The following HEPH variants were observed in gnomAD, a reference collection of about 807,000 sequenced individuals.
The protein encoded by HEPH is hephaestin.
A neutral mutation model predicts 80.8 loss-of-function variants in HEPH; 69 were observed. The observed-to-expected ratio is 0.85, with a 90% confidence interval of 0.70 to 1.04. The LOEUF (loss-of-function observed/expected upper bound fraction) is 1.04. Ranked by LOEUF, HEPH falls within the 50% of genes least tolerant of loss-of-function variation. HEPH has a pLI of 0.00. For missense variants in HEPH, 1,115 were observed against 891.3 expected, an observed-to-expected ratio of 1.25 and a Z score of -3.20; for synonymous variants, 431 against 322.8, an observed-to-expected ratio of 1.34 and a Z score of -3.60.
At chrX:66,188,291 G>T (rs1369609576) in intron 4 of HEPH, 68 bp from the exon 5 acceptor site, 8 of 810,711 alleles carry the variant, frequency 9.9e-6, no homozygotes, top group Non-Finnish European at 1.2e-5. Context: ...TTTCTTATGA[G>T]TACCCCTTTC....
intron 15 of HEPH, among the ~76,000 whole-genome samples, chrX:66,216,732 G>A (rs764483421): frequency 1.2e-3 from 129 of 111,815 alleles, no homozygotes; most frequent in African/African-American, 4.1e-3. Flanking sequence ...TCTCTGAATG[G>A]CCAGAAGAAA....
chrX:66,220,306 T>C (rs1228642626), intron 15 of HEPH, among the ~76,000 whole-genome samples: 1 of 111,640 alleles, frequency 9.0e-6, no homozygotes, highest in East Asian at 2.8e-4. Context: ...CAGTTTATCA[T>C]AGAAGGTTTG....
At chrX:66,249,183 G>C in intron 15 of HEPH, among the ~76,000 whole-genome samples, 1 of 111,136 alleles carries the variant, frequency 9.0e-6, no homozygotes, top group Admixed American at 9.6e-5. Flanking sequence ...GAATTTTAAA[G>C]GATGAGAGCT....
intron 15 of HEPH, among the ~76,000 whole-genome samples, chrX:66,230,364 A>G (rs1294127650): frequency 9.9e-6 from 1 of 100,632 alleles, no homozygotes; most frequent in African/African-American, 4.2e-5. Flanking sequence ...GACTTCCACA[A>G]TGGTTGAACT....
intron 8 of HEPH, among the ~76,000 whole-genome samples, chrX:66,194,682 A>G (rs2087991994): frequency 9.0e-6 from 1 of 111,716 alleles, no homozygotes; most frequent in African/African-American, 3.3e-5. Flanking sequence ...ACATGTAGCT[A>G]TGGGATCTGG....
At chrX:66,257,483 A>G (rs2091218338) in intron 17 of HEPH, among the ~76,000 whole-genome samples, 2 of 112,304 alleles carry the variant, frequency 1.8e-5, no homozygotes, top group Non-Finnish European at 3.8e-5. Flanking sequence ...GCTTAAGATC[A>G]AATGTGAACC....
intron 4 of HEPH, among the ~76,000 whole-genome samples, chrX:66,177,586 T>A (rs2086868105): frequency 8.9e-6 from 1 of 112,211 alleles, no homozygotes; most frequent in African/African-American, 3.2e-5. Context: ...CATTTCTTAA[T>A]GAGGTCATTT....
At chrX:66,259,843 G>A (rs1016562405) in intron 18 of HEPH, among the ~76,000 whole-genome samples, 2 of 108,676 alleles carry the variant, frequency 1.8e-5, no homozygotes, top group Admixed American at 9.8e-5. Flanking sequence ...CGAGTAGCTG[G>A]GACTACAAGC....
At position 66,199,037 on chromosome X, in the gene HEPH, A is replaced by C; in HGVS notation, c.1864+9A>C. ...CTCCAATCGGATGCATGGTATGGGG[A>C]GTACTTTTGCCCTGGGCTAAATTGA... On this transcript the variant is annotated intron_variant, in intron 11 of 20. Transcript: ENST00000343002. 8.3e-7 allele frequency: 1 copy of C among 1,203,967 alleles called. No individual in the cohort carries two copies. The highest frequency in any genetic ancestry group is 1.1e-6 in the Non-Finnish European group (1 of 889,741).
At chrX:66,187,877 C>G (rs758586826) in intron 4 of HEPH, among the ~76,000 whole-genome samples, 2 of 112,218 alleles carry the variant, frequency 1.8e-5, no homozygotes, top group Non-Finnish European at 3.8e-5. Context: ...AAACACCAAA[C>G]TTTTCTCCTT....
At chrX:66,202,553 G>T (rs2088517701) in intron 12 of HEPH, among the ~76,000 whole-genome samples, 1 of 111,392 alleles carries the variant, frequency 9.0e-6, no homozygotes, top group Non-Finnish European at 1.9e-5. Flanking sequence ...ACTGTTACCT[G>T]CACATTCCAT....
In HEPH at chrX:66,266,508, G is replaced by A; in HGVS notation, c.3313G>A (p.Val1105Ile). 1 of 1,210,068 alleles carries A rather than the reference G, an allele frequency of 8.3e-7. No homozygotes were observed. The highest frequency in any genetic ancestry group is 1.8e-5 in the South Asian group (1 of 56,772). ...MLGMQIPIKNVEMLASVLVAI... is the reference protein window; with the variant it reads ...MLGMQIPIKNIEMLASVLVAI... ...GGGCATGCAGATCCCCATAAAGAAT[G>A]TTGAGATGCTGGCCTCTGTTTTGGT... is the stretch of plus-strand genomic sequence containing the variant. The change falls in exon 21 of 21, where the codon GTT becomes ATT. Residue 1105 changes from valine (V) to isoleucine (I), a missense_variant. This residue lies in a region of HEPH where 716 missense variants were observed against 523.5 expected (regional missense o/e 1.37). Transcript: ENST00000343002.
chrX:66,172,368 T>G lies in HEPH; in HGVS notation c.181T>G (p.Phe61Val), dbSNP rs1278953258. 8.5e-7 allele frequency: 1 copy of G among 1,177,364 alleles called. No individual in the cohort carries two copies. The highest frequency in any genetic ancestry group is 1.1e-6 in the Non-Finnish European group (1 of 879,674). Residue 61 changes from phenylalanine to valine, a missense_variant, in exon 3 of 21, where the codon TTC becomes GTC. Physicochemically the swap from Phe to Val is conservative, Grantham distance 50. Coordinates refer to ENST00000343002, the MANE Select transcript of HEPH (RefSeq NM_001367233.3). ...CTTCTTTCCCAGAGTGGCTTCCAGC[T>G]TCTTAAAGTCTGACAAGAACCGGAT... ...PLDSDIVASSFLKSDKNRIGG... is the reference protein window; with the variant it reads ...PLDSDIVASSVLKSDKNRIGG...
chrX:66,235,441 T>C (rs776968214), intron 15 of HEPH, among the ~76,000 whole-genome samples: 15 of 110,578 alleles, frequency 1.4e-4, no homozygotes, highest in African/African-American at 4.7e-4. Context: ...TAGCACCATT[T>C]ATTCAATTAG....
Position 66,219,414 on chromosome X carries a change from G to A in HEPH, c.2563+11168G>A, listed in dbSNP as rs142937806. ...AATTAGTAAGGTTAAATTTTCTACA[G>A]ACCCCTCCTTCAGTTGCTAGCAAGT... On this transcript the variant is annotated intron_variant, in intron 15 of 20. Transcript: ENST00000343002. Among the ~76,000 whole-genome samples, 847 of 111,683 alleles carry A rather than the reference G, an allele frequency of 7.6e-3. 5 individuals carry two copies. Among genetic ancestry groups the A allele is most frequent in the African/African-American group, 0.026 (804 of 30,675 alleles).
intron 15 of HEPH, among the ~76,000 whole-genome samples, chrX:66,226,237 ACTT>A (rs2089885078): frequency 8.9e-6 from 1 of 111,838 alleles, no homozygotes; most frequent in Admixed American, 9.5e-5. Context: ...TTTAGTTTTT[ACTT>A]CTTCTTTCTT....
At chrX:66,219,739 G>A (rs1177585376) in intron 15 of HEPH, among the ~76,000 whole-genome samples, 1 of 111,621 alleles carries the variant, frequency 9.0e-6, no homozygotes, top group Non-Finnish European at 1.9e-5. Context: ...GAGTTCACCT[G>A]TCTTTGTAGG....
chrX:66,256,167 T>A lies in HEPH; in HGVS notation c.2733T>A (p.His911Gln). Residue 911 changes from histidine (H) to glutamine (Q), a missense_variant, in exon 17 of 21, where the codon CAT becomes CAA. By Grantham distance (24) the His-to-Gln change is conservative. Coordinates refer to ENST00000343002, the MANE Select transcript of HEPH (RefSeq NM_001367233.3). ...AICQKGILEP[H>Q]GGRSDMDREF... The stretch of plus-strand genomic sequence containing the variant: ...GCCAAAAGGGCATCCTGGAGCCCCA[T>A]GGAGGACGGAGTGACATGGATCGGG... The A allele has an allele frequency of 8.3e-7, 1 of 1,211,581 alleles. No individual in the cohort carries two copies. The highest frequency in any genetic ancestry group is 1.1e-6 in the Non-Finnish European group (1 of 895,225).
intron 15 of HEPH, among the ~76,000 whole-genome samples, chrX:66,213,479 A>C: frequency 8.9e-6 from 1 of 112,072 alleles, no homozygotes; most frequent in Non-Finnish European, 1.9e-5. Context: ...GCAGCCATAA[A>C]AAATGATGAG....
Sources: gnomAD v4.1 joint callset for allele counts (sites outside exome capture counted in the v4.1 genomes callset) on GRCh38, gnomAD v4.1.1 for gene constraint, gnomAD v4.1.1 regional missense constraint, MANE v1.5 for transcripts, NCBI Gene and HGNC (gene_info 2026-07-23, HGNC 2026-07-21) for gene names.